The following RGL3 variants were observed in gnomAD, a reference collection of about 807,000 sequenced individuals.
The protein encoded by RGL3 is ral guanine nucleotide dissociation stimulator like 3.
RGL3 carries 85 observed loss-of-function variants against 90.6 expected under a neutral mutation model. The ratio of observed to expected loss-of-function variants is 0.94; its 90% CI spans 0.79 to 1.12. The LOEUF (loss-of-function observed/expected upper bound fraction) is 1.12, where lower values mean the gene tolerates loss of function less well. Among genes scored for constraint, RGL3 ranks in the 50% most tolerant of loss-of-function variants. The probability of loss-of-function intolerance (pLI) is 0.00; values close to 1 mark genes in which losing one functional copy is unlikely to be tolerated. For missense variants in RGL3, 1,034 were observed against 939.2 expected, an observed-to-expected ratio of 1.10 and a Z score of -1.32; for synonymous variants, 408 against 385.5, an observed-to-expected ratio of 1.06 and a Z score of -0.68.
intron 9 of RGL3, among the ~76,000 whole-genome samples, chr19:11,403,933 G>C (rs1968725045): frequency 1.3e-5 from 2 of 152,158 alleles, no homozygotes; most frequent in Non-Finnish European, 1.5e-5. Flanking sequence ...TCAGGCTGGA[G>C]TGCAGTGGCC....
chr19:11,398,205 T>C (rs1026339028), intron 16 of RGL3, among the ~76,000 whole-genome samples: 6 of 152,068 alleles, frequency 3.9e-5, no homozygotes, highest in African/African-American at 1.2e-4. Flanking sequence ...CAACCCATGC[T>C]CATACACAAG....
At chr19:11,397,785 G>T in intron 16 of RGL3, 188 bp from the exon 17 acceptor site, 1 of 502,532 alleles carries the variant, frequency 2.0e-6, no homozygotes, top group Non-Finnish European at 3.3e-6. Flanking sequence ...GAGGTGGGCG[G>T]ATCACTTGAG....
chr19:11,400,061 TC>T lies in RGL3; in HGVS notation c.1627del (p.Asp543ThrfsTer43). Reference sequence around the variant, plus strand: ...TCACCTGGAGGTGGGGGATGAGGGGTCCCCGGGACTCCCACTAGGTGATGAG... The same window carrying T: ...TCACCTGGAGGTGGGGGATGAGGGGTCCCGGGACTCCCACTAGGTGATGAG... ...KSSSPSGSPG[D>X]PSSPTSSVSP... On this transcript the variant is annotated frameshift_variant, in exon 15 of 19. Coordinates refer to ENST00000380456, the MANE Select transcript of RGL3 (RefSeq NM_001035223.4). LOFTEE classifies it high-confidence loss of function. The T allele has an allele frequency of 6.2e-7, 1 of 1,607,528 alleles. No individual in the cohort carries two copies. Among genetic ancestry groups the T allele is most frequent in the Non-Finnish European group, 8.5e-7 (1 of 1,177,752 alleles).
intron 5 of RGL3, among the ~76,000 whole-genome samples, chr19:11,414,371 T>TTA (rs36141298): frequency 6.1e-5 from 5 of 82,280 alleles, no homozygotes; most frequent in Admixed American, 3.2e-4. Flanking sequence ...ATATATACCT[T>TTA]TATATATATA....
chr19:11,408,478 C>CG (rs1181648988), intron 5 of RGL3, among the ~76,000 whole-genome samples: 3 of 151,468 alleles, frequency 2.0e-5, no homozygotes, highest in South Asian at 2.1e-4. Flanking sequence ...CCCAGCTACT[C>CG]GGGGGGCTGA....
intron 16 of RGL3, 67 bp downstream of exon 16, chr19:11,399,788 C>CA: frequency 1.1e-6 from 1 of 877,038 alleles, no homozygotes; most frequent in Non-Finnish European, 1.7e-6. Flanking sequence ...TGCATGCACA[C>CA]ACACGTGCAC....
chr19:11,406,688 T>G (rs1968788018), intron 6 of RGL3, 34 bp downstream of exon 6: 1 of 1,610,840 alleles, frequency 6.2e-7, no homozygotes, highest in African/African-American at 1.3e-5. Context: ...GTCCCCTCAC[T>G]GTGGCTCATC....
intron 7 of RGL3, 68 bp from the exon 8 acceptor site, chr19:11,405,494 CT>C (rs771398199): frequency 1.4e-3 from 235 of 163,780 alleles, no homozygotes; most frequent in Non-Finnish European, 1.9e-3. Flanking sequence ...ACTTCTTCAT[CT>C]TTTTTTTTTT....
chr19:11,401,136 G>A (rs952836243), intron 13 of RGL3, among the ~76,000 whole-genome samples: 1 of 151,964 alleles, frequency 6.6e-6, no homozygotes, highest in African/African-American at 2.4e-5. Flanking sequence ...CAACAGATGG[G>A]ACAGTTGAGT....
At position 11,394,741 on chromosome 19, in the gene RGL3, C is replaced by A. The variant is rs573865756; in HGVS notation, c.2015-221G>T. On this transcript the variant is annotated intron_variant, in intron 18 of 18. Coordinates refer to ENST00000380456, the MANE Select transcript of RGL3 (RefSeq NM_001035223.4). ...TGCCTTCCCTTATCATAAGCCTGGG[C>A]AACCTCCTAATATTCTCCCCCTCAC... 7 of 502,756 alleles carry A rather than the reference C, an allele frequency of 1.4e-5. No homozygotes were observed. The East Asian group carries it at 2.2e-4, about 16-fold the overall frequency. The allele number at this position is 502,756 out of a possible 1,614,324, so 31.1% of individuals were successfully genotyped here.
rs1445661256 is a variant in RGL3 at position 11,405,330 on chromosome 19, C to T, written c.1093G>A (p.Val365Met). 1 of 1,613,364 alleles carries T rather than the reference C, an allele frequency of 6.2e-7. No individual in the cohort carries two copies. Among genetic ancestry groups the T allele is most frequent in the South Asian group, 1.1e-5 (1 of 91,050 alleles). Residue 365 changes from valine (V) to methionine (M), a missense_variant, in exon 8 of 19, where the codon GTG becomes ATG. Transcript: ENST00000380456. ...GGTCCCGCCCCAGCTCACCGGCTCA[C>T]TGCCCCCCAGCTGCGCTTGAGCCGG... ...IYRLKRSWGA[V>M]SREPLSTFRK...
chr19:11,414,847 A>T (rs909058385), intron 5 of RGL3, among the ~76,000 whole-genome samples: 1 of 152,018 alleles, frequency 6.6e-6, no homozygotes, highest in African/African-American at 2.4e-5. Flanking sequence ...TAATCAAGTA[A>T]GGAGGCTACG....
At chr19:11,400,323 T>G (rs1599431150) in intron 13 of RGL3, 26 bp from the exon 14 acceptor site, 2 of 1,528,860 alleles carry the variant, frequency 1.3e-6, no homozygotes, top group African/African-American at 1.4e-5. Context: ...GTGGATGAGG[T>G]GGTGGGGGCA....
At chr19:11,419,114 G>T in intron 1 of RGL3, 132 bp downstream of exon 1, 1 of 952,776 alleles carries the variant, frequency 1.0e-6, no homozygotes, top group Non-Finnish European at 1.5e-6. Context: ...GTCAAGGGCC[G>T]CGAGTCCCCA....
chr19:11,419,307 C>A lies in RGL3; in HGVS notation c.-29G>T, dbSNP rs1969065610. Reference sequence around the variant, plus strand: ...CGGCGCCCGTCCCTCTCAGTGGCGCCGCTGAGTGAGGCGGAAGGGCCGGCG... The same window carrying A: ...CGGCGCCCGTCCCTCTCAGTGGCGCAGCTGAGTGAGGCGGAAGGGCCGGCG... On this transcript the variant is annotated 5_prime_UTR_variant, in exon 1 of 19. Coordinates refer to ENST00000380456, the MANE Select transcript of RGL3 (RefSeq NM_001035223.4). The A allele has an allele frequency of 6.7e-7, 1 of 1,491,520 alleles. No homozygotes were observed. Among genetic ancestry groups the A allele is most frequent in the African/African-American group, 1.4e-5 (1 of 69,830 alleles). The allele number at this position is 1,491,520 out of a possible 1,614,324, so 92.4% of individuals were successfully genotyped here. A position where few individuals can be genotyped will look rare whatever the true frequency, so the allele number is the denominator to read the frequency against.
At chr19:11,406,018 C>T (rs760743710) in intron 7 of RGL3, among the ~76,000 whole-genome samples, 109 of 152,002 alleles carry the variant, frequency 7.2e-4, no homozygotes, top group Middle Eastern at 3.4e-3. Flanking sequence ...GTCACTGCGC[C>T]CAGCCTGATC....
rs1968754990 is a variant in RGL3, at chr19:11,405,348, TGAGCCGGTA to T, written c.1066_1074del (p.Tyr356_Leu358del). 6.2e-7 allele frequency: 1 copy of T among 1,613,104 alleles called. No individual in the cohort carries two copies. The highest frequency in any genetic ancestry group is 1.1e-5 in the South Asian group (1 of 91,000). ...CGGCTCACTGCCCCCCAGCTGCGCT[TGAGCCGGTA>T]GATGGGGTTAGATTGCAGGGCGGAC... On this transcript the variant is annotated inframe_deletion, in exon 8 of 19. Transcript: ENST00000380456.
At chr19:11,402,333 T>C in intron 11 of RGL3, 86 bp from the exon 12 acceptor site, 1 of 1,585,312 alleles carries the variant, frequency 6.3e-7, no homozygotes, top group South Asian at 1.1e-5. Context: ...GGAGCCCCAC[T>C]GTAGTAAGGG....
chr19:11,416,491 G>A lies in RGL3; in HGVS notation c.425+123C>T, dbSNP rs762605445. The A allele has an allele frequency of 7.7e-4, 736 of 958,672 alleles. 6 individuals are homozygous for A. The highest frequency in any genetic ancestry group is 6.3e-4 in the Middle Eastern group (3 of 4,778). 59.4% of individuals were successfully genotyped at this position (958,672 alleles called of 1,614,324 possible). The stretch of plus-strand genomic sequence containing the variant: ...TGGGATTACAGGCATGAGCCACCAC[G>A]CCCCACCTGACTCCCAGTCTCTTAT... On this transcript the variant is annotated intron_variant, in intron 4 of 18. Coordinates refer to ENST00000380456, the MANE Select transcript of RGL3 (RefSeq NM_001035223.4).
Sources: allele counts gnomAD v4.1 joint callset (sites outside exome capture counted in the v4.1 genomes callset), GRCh38; gene constraint gnomAD v4.1.1; transcripts MANE v1.5; gene names NCBI Gene and HGNC (gene_info 2026-07-23, HGNC 2026-07-21).